The following MAPK4 variants were observed in gnomAD, a reference collection of about 807,000 sequenced individuals.
MAPK4 encodes the protein mitogen-activated protein kinase 4.
A neutral mutation model predicts 47.7 loss-of-function variants in MAPK4; 22 were observed. That is an observed-to-expected ratio of 0.46 (90% CI 0.33 to 0.66). The LOEUF is 0.66. MAPK4 is among the 30% of genes least tolerant of loss of function. MAPK4 has a pLI of 0.02. For synonymous variants in MAPK4, 390 were observed against 365.7 expected (o/e 1.07, Z -0.76); for missense variants, 736 against 831.7 (o/e 0.88, Z 1.42).
In MAPK4 at chr18:50,661,806, AC is replaced by A. The variant is rs1473434754; in HGVS notation, c.-870-1280del. 2.6e-5 allele frequency among the ~76,000 whole-genome samples: 4 copies of A among 152,286 alleles called. No homozygotes were observed. The East Asian group carries it at 5.8e-4, about 22-fold the overall frequency. The stretch of plus-strand genomic sequence containing the variant: ...AAGTCTATGGTTGTTTTGTTCCTGG[AC>A]CCAGTAAAAACATGCAGAACAGAAT... On this transcript the variant is annotated intron_variant, in intron 1 of 5. Transcript: ENST00000400384.
chr18:50,630,388 C>T (rs948476650), intron 1 of MAPK4, among the ~76,000 whole-genome samples: 40 of 152,158 alleles, frequency 2.6e-4, no homozygotes, highest in Non-Finnish European at 4.6e-4. Flanking sequence ...AGGGTTTCAC[C>T]ATATTGGCCA....
intron 1 of MAPK4, among the ~76,000 whole-genome samples, chr18:50,561,374 G>A (rs771888235): frequency 3.3e-5 from 5 of 152,164 alleles, no homozygotes; most frequent in Admixed American, 1.3e-4. Flanking sequence ...TATACTTATT[G>A]AGCACCTACT....
intron 1 of MAPK4, among the ~76,000 whole-genome samples, chr18:50,592,413 A>G (rs2042444179): frequency 6.6e-6 from 1 of 152,186 alleles, no homozygotes; most frequent in Non-Finnish European, 1.5e-5. Flanking sequence ...TGTTAGAACA[A>G]AGCCATTCCC....
chr18:50,629,895 T>C (rs2042813599), intron 1 of MAPK4: 1 of 152,266 alleles, frequency 6.6e-6, no homozygotes. Flanking sequence ...CTGAGGGTCT[T>C]GTCTGTACCT....
chr18:50,687,689 T>C (rs1242044360), intron 2 of MAPK4, among the ~76,000 whole-genome samples: 6 of 151,330 alleles, frequency 4.0e-5, no homozygotes, highest in Admixed American at 3.9e-4. Context: ...CTCTGCGGTG[T>C]GACCTCGCCT....
intron 2 of MAPK4, among the ~76,000 whole-genome samples, chr18:50,691,890 T>C (rs866838060): frequency 1.5e-4 from 23 of 152,162 alleles, no homozygotes; most frequent in Admixed American, 7.2e-4. Flanking sequence ...CAGTCTCCCA[T>C]CTGTCTACCC....
chr18:50,650,912 C>T (rs2043041740), intron 1 of MAPK4, among the ~76,000 whole-genome samples: 1 of 152,186 alleles, frequency 6.6e-6, no homozygotes, highest in Non-Finnish European at 1.5e-5. Flanking sequence ...ATCAGGTTCC[C>T]CTTCCTCACC....
At chr18:50,670,719 T>C (rs1407799677) in intron 2 of MAPK4, among the ~76,000 whole-genome samples, 4 of 145,530 alleles carry the variant, frequency 2.7e-5, no homozygotes, top group Non-Finnish European at 5.9e-5. Context: ...ATCACACCAC[T>C]GCACTCCAGT....
chr18:50,655,938 G>GCCA (rs2043105227), intron 1 of MAPK4, among the ~76,000 whole-genome samples: 1 of 152,006 alleles, frequency 6.6e-6, no homozygotes, highest in Non-Finnish European at 1.5e-5. Flanking sequence ...TTTATTTATT[G>GCCA]AATCCCTCTC....
At chr18:50,580,108 C>T (rs975806638) in intron 1 of MAPK4, among the ~76,000 whole-genome samples, 9 of 152,204 alleles carry the variant, frequency 5.9e-5, no homozygotes, top group African/African-American at 2.2e-4. Context: ...GGGATCTCAG[C>T]AGGCTCCACC....
At chr18:50,564,831 C>T (rs540335833) in intron 1 of MAPK4, among the ~76,000 whole-genome samples, 1 of 152,278 alleles carries the variant, frequency 6.6e-6, no homozygotes, top group East Asian at 1.9e-4. Flanking sequence ...GCCTGGTAAC[C>T]ACCAGTCGGG....
intron 1 of MAPK4, among the ~76,000 whole-genome samples, chr18:50,597,441 G>A (rs17804166): frequency 0.25 from 38,625 of 152,090 alleles, 5,011 homozygotes; most frequent in East Asian, 0.36. Context: ...GTGGCCCCAG[G>A]GAGTCTTGCT....
At position 50,722,069 on chromosome 18, in the gene MAPK4, C is replaced by T. The variant is rs768874032; in HGVS notation, c.823C>T (p.Arg275Cys). 42 of 1,613,296 alleles carry T rather than the reference C, an allele frequency of 2.6e-5. No homozygotes were observed. Among genetic ancestry groups the T allele is most frequent in the Admixed American group, 5.0e-5 (3 of 59,872 alleles). Reference sequence around the variant, plus strand: ...CACCTGGGAGGTGAAGAGGCCTCTGCGCAAGCTGCTCCCTGAAGTGAACAG... The same window carrying T: ...CACCTGGGAGGTGAAGAGGCCTCTGTGCAAGCTGCTCCCTGAAGTGAACAG... The part of the protein sequence containing the change: ...SSTWEVKRPL[R>C]KLLPEVNSEA... Residue 275 changes from arginine (R) to cysteine (C), a missense_variant, in exon 4 of 6, where the codon CGC (arginine) becomes TGC (cysteine). Physicochemically the swap from Arg to Cys is radical, Grantham distance 180 (BLOSUM62 -3). Around this residue, in one of 3 missense-constraint regions of MAPK4, gnomAD observed 327 missense variants for 395.4 expected, o/e 0.83. Coordinates refer to ENST00000400384, the MANE Select transcript of MAPK4 (RefSeq NM_002747.4).
intron 1 of MAPK4, among the ~76,000 whole-genome samples, chr18:50,662,720 C>G (rs947315460): frequency 6.6e-6 from 1 of 152,242 alleles, no homozygotes; most frequent in Admixed American, 6.5e-5. Context: ...GCTTTCTACT[C>G]TCACCCTTCC....
intron 2 of MAPK4, among the ~76,000 whole-genome samples, chr18:50,686,111 C>G (rs1908868884): frequency 6.6e-6 from 1 of 152,104 alleles, no homozygotes; most frequent in African/African-American, 2.4e-5. Context: ...AAAAATAAGC[C>G]TCGTTAGGAG....
At chr18:50,679,523 A>C (rs548653664) in intron 2 of MAPK4, among the ~76,000 whole-genome samples, 12 of 152,254 alleles carry the variant, frequency 7.9e-5, no homozygotes, top group African/African-American at 2.9e-4. Context: ...GAGTCAGGTT[A>C]ATTACTATCC....
At chr18:50,677,567 G>A (rs1023138700) in intron 2 of MAPK4, among the ~76,000 whole-genome samples, 1 of 146,294 alleles carries the variant, frequency 6.8e-6, no homozygotes, top group Non-Finnish European at 1.5e-5. Context: ...TTTTTTTGTT[G>A]TTTTTTTTTT....
intron 1 of MAPK4, among the ~76,000 whole-genome samples, chr18:50,647,373 G>A (rs956228694): frequency 2.6e-5 from 4 of 152,144 alleles, no homozygotes; most frequent in Non-Finnish European, 5.9e-5. Flanking sequence ...CGAGCCTGAG[G>A]ATATAACTTG....
chr18:50,708,285 C>T (rs1361464007), intron 2 of MAPK4, among the ~76,000 whole-genome samples: 13 of 152,198 alleles, frequency 8.5e-5, no homozygotes, highest in African/African-American at 3.1e-4. Flanking sequence ...TCTGCTTCAG[C>T]GGGACCTCTG....
Sources: allele counts gnomAD v4.1 joint callset (sites outside exome capture counted in the v4.1 genomes callset), GRCh38; gene constraint gnomAD v4.1.1; regional missense constraint gnomAD v4.1.1; transcripts MANE v1.5; gene names NCBI Gene and HGNC (gene_info 2026-07-23, HGNC 2026-07-21).